Variants in RIMS1 observed in about 807,000 individuals in gnomAD.
The protein encoded by RIMS1 is regulating synaptic membrane exocytosis 1.
RIMS1 carries 83 observed loss-of-function variants against 214.1 expected under a neutral mutation model. That is an observed-to-expected ratio of 0.39 (90% CI 0.32 to 0.47). RIMS1 has a LOEUF of 0.47. RIMS1 is among the 20% of genes least tolerant of loss of function. RIMS1 has a pLI of 0.99. For synonymous variants in RIMS1, 793 were observed against 786.8 expected, an observed-to-expected ratio of 1.01 and a Z score of -0.13; for missense variants, 2,050 against 2,161.8, an observed-to-expected ratio of 0.95 and a Z score of 1.03.
intron 29 of RIMS1, among the ~76,000 whole-genome samples, chr6:72,377,114 T>G (rs1474511126): frequency 6.6e-6 from 1 of 152,168 alleles, no homozygotes; most frequent in Admixed American, 6.5e-5. Flanking sequence ...GAGGTCACAT[T>G]TCAATTTAGA....
rs533034497 is a variant in RIMS1, at chr6:72,143,161, G to A, written c.472-36414G>A. Among the ~76,000 whole-genome samples the A allele has an allele frequency of 3.9e-5, 6 of 152,206 alleles. No homozygotes were observed. In the South Asian group the frequency reaches 8.3e-4, roughly 21 times the overall value. On this transcript the variant is annotated intron_variant, in intron 4 of 33. Transcript: ENST00000521978. ...CCATTTGTTTCTAACATATAGGCTA[G>A]TGATAAAATTCTCTTAAATGTGATA...
intron 4 of RIMS1, among the ~76,000 whole-genome samples, chr6:72,176,459 A>G (rs1554261417): frequency 6.6e-6 from 1 of 151,912 alleles, no homozygotes; most frequent in Non-Finnish European, 1.5e-5. Flanking sequence ...AATCTTATAT[A>G]TTTTTCTTTA....
chr6:72,097,593 G>A (rs1393945251), intron 3 of RIMS1, among the ~76,000 whole-genome samples: 2 of 152,148 alleles, frequency 1.3e-5, no homozygotes, highest in South Asian at 2.1e-4. Context: ...CATATATTAA[G>A]CAATGATTAG....
chr6:72,348,547 A>G (rs1231391727), intron 29 of RIMS1, among the ~76,000 whole-genome samples: 1 of 151,976 alleles, frequency 6.6e-6, no homozygotes, highest in African/African-American at 2.4e-5. Context: ...TAACTCTTTT[A>G]TAAGCAAGAA....
intron 2 of RIMS1, among the ~76,000 whole-genome samples, chr6:71,974,627 G>A (rs1387078961): frequency 6.6e-6 from 1 of 152,070 alleles, no homozygotes; most frequent in Non-Finnish European, 1.5e-5. Flanking sequence ...GGTATAATTA[G>A]AATATAGTGA....
At chr6:72,316,439 C>T (rs1263944951) in intron 28 of RIMS1, among the ~76,000 whole-genome samples, 2 of 152,174 alleles carry the variant, frequency 1.3e-5, no homozygotes, top group African/African-American at 2.4e-5. Flanking sequence ...GCCACAACCA[C>T]GCGTGGGGTA....
intron 6 of RIMS1, 131 bp from the exon 7 acceptor site, chr6:72,233,642 G>C (rs909601469): frequency 4.3e-6 from 3 of 698,400 alleles, no homozygotes; most frequent in Non-Finnish European, 7.8e-6. Flanking sequence ...ACACAGGTGT[G>C]CATCATTCTG....
In RIMS1 at chr6:71,979,410, C is replaced by T. The variant is rs1169539281; in HGVS notation, c.245+10347C>T. On this transcript the variant is annotated intron_variant, in intron 2 of 33. Transcript: ENST00000521978. ...CTTGCCCCAGGGTCACCCAGCAGGA[C>T]AGGGGAAGATAACTGAACTCTAGAC... Among the ~76,000 whole-genome samples the T allele has an allele frequency of 2.0e-5, 3 of 151,930 alleles. No homozygotes were observed. In the East Asian group the frequency reaches 5.8e-4, roughly 29 times the overall value.
chr6:72,258,136 T>G lies in RIMS1; in HGVS notation c.2782T>G (p.Ser928Ala). Residue 928 changes from serine to alanine, a missense_variant, in exon 17 of 34, where the codon TCT becomes GCT. Transcript: ENST00000521978. ...TGTACTTTTGCCAGTAGGCTATAGGTCTAGTGCTAGAGAAAGTAAATCTAC... is the reference window on the plus strand; with the variant it reads ...TGTACTTTTGCCAGTAGGCTATAGGGCTAGTGCTAGAGAAAGTAAATCTAC... ...IGVVPPVGYR[S>A]SARESKSTTL... 6.2e-7 allele frequency: 1 copy of G among 1,612,606 alleles called. No homozygotes were observed. Among genetic ancestry groups the G allele is most frequent in the Non-Finnish European group, 8.5e-7 (1 of 1,179,176 alleles).
At chr6:72,031,755 A>G (rs1818174051) in intron 2 of RIMS1, among the ~76,000 whole-genome samples, 2 of 152,104 alleles carry the variant, frequency 1.3e-5, no homozygotes, top group South Asian at 4.1e-4. Context: ...TTCAACACCT[A>G]TTTATTTCTA....
At chr6:71,901,949 G>A (rs186558216) in intron 1 of RIMS1, among the ~76,000 whole-genome samples, 1 of 152,116 alleles carries the variant, frequency 6.6e-6, no homozygotes, top group Admixed American at 6.6e-5. Flanking sequence ...GGAGAAAGAT[G>A]AATAAAAACA....
intron 26 of RIMS1, among the ~76,000 whole-genome samples, chr6:72,299,369 G>C (rs186431463): frequency 6.6e-6 from 1 of 151,818 alleles, no homozygotes; most frequent in East Asian, 1.9e-4. Flanking sequence ...AGAATGAAAG[G>C]CAATTAAAGT....
At chr6:72,041,590 T>G (rs1039177359) in intron 2 of RIMS1, among the ~76,000 whole-genome samples, 1 of 151,958 alleles carries the variant, frequency 6.6e-6, no homozygotes, top group Non-Finnish European at 1.5e-5. Flanking sequence ...CTGCTGCTAT[T>G]ACTCTCTCTT....
At chr6:71,891,934 T>G (rs555579584) in intron 1 of RIMS1, among the ~76,000 whole-genome samples, 2 of 152,322 alleles carry the variant, frequency 1.3e-5, no homozygotes, top group East Asian at 3.9e-4. Context: ...CGCCCATACC[T>G]GTAATAAGCA....
intron 4 of RIMS1, among the ~76,000 whole-genome samples, chr6:72,104,996 T>A (rs1403317631): frequency 6.6e-6 from 1 of 152,128 alleles, no homozygotes; most frequent in Admixed American, 6.6e-5. Flanking sequence ...AGTGGTGCAA[T>A]CACAGCTCAT....
chr6:72,064,861 A>C (rs1828884925), intron 2 of RIMS1, among the ~76,000 whole-genome samples: 1 of 152,208 alleles, frequency 6.6e-6, no homozygotes, highest in African/African-American at 2.4e-5. Context: ...TGGTTTGGAC[A>C]TTCAACGCCT....
At chr6:71,924,889 A>T (rs1582765690) in intron 1 of RIMS1, among the ~76,000 whole-genome samples, 1 of 151,902 alleles carries the variant, frequency 6.6e-6, no homozygotes, top group East Asian at 1.9e-4. Context: ...CTTCACCAAC[A>T]GCATGCTACT....
At chr6:71,902,947 T>C (rs970992626) in intron 1 of RIMS1, among the ~76,000 whole-genome samples, 2 of 152,180 alleles carry the variant, frequency 1.3e-5, no homozygotes, top group African/African-American at 4.8e-5. Context: ...TTTGGGTTAA[T>C]TCCATGTCTT....
At chr6:72,172,232 C>T (rs1482971283) in intron 4 of RIMS1, among the ~76,000 whole-genome samples, 1 of 151,590 alleles carries the variant, frequency 6.6e-6, no homozygotes. Flanking sequence ...ATAAAATCAT[C>T]AATAAATGGT....
Sources: allele counts gnomAD v4.1 joint callset (sites outside exome capture counted in the v4.1 genomes callset), GRCh38; gene constraint gnomAD v4.1.1; transcripts MANE v1.5; gene names NCBI Gene and HGNC (gene_info 2026-07-23, HGNC 2026-07-21).